The following TRAPPC9 variants were observed in gnomAD, a reference collection of about 807,000 sequenced individuals.
TRAPPC9 encodes the protein trafficking protein particle complex subunit 9.
TRAPPC9 carries 83 observed loss-of-function variants against 124.0 expected under a neutral mutation model. That is an observed-to-expected ratio of 0.67 (90% CI 0.56 to 0.80). The LOEUF (loss-of-function observed/expected upper bound fraction) is 0.80. Ranked by LOEUF, TRAPPC9 falls within the 30% of genes least tolerant of loss-of-function variation. The probability of loss-of-function intolerance (pLI) is 0.00; values close to 1 mark genes in which losing one functional copy is unlikely to be tolerated. For synonymous variants in TRAPPC9, 638 were observed against 617.5 expected, an observed-to-expected ratio of 1.03 and a Z score of -0.49; for missense variants, 1,302 against 1,508.3, an observed-to-expected ratio of 0.86 and a Z score of 2.27.
intron 21 of TRAPPC9, among the ~76,000 whole-genome samples, chr8:139,766,166 G>A (rs1220274258): frequency 6.6e-6 from 1 of 152,252 alleles, no homozygotes; most frequent in Non-Finnish European, 1.5e-5. Context: ...GAAAGAAAGA[G>A]GAGTTCTGAC....
rs780432150 is a variant in TRAPPC9 at position 139,825,352 on chromosome 8, C to T, written c.3055+60527G>A. Among the ~76,000 whole-genome samples the T allele has an allele frequency of 2.6e-5, 4 of 152,126 alleles. No individual in the cohort carries two copies. The highest frequency in any genetic ancestry group is 5.9e-5 in the Non-Finnish European group (4 of 68,018). On this transcript the variant is annotated intron_variant, in intron 21 of 22. Coordinates refer to ENST00000438773, the MANE Select transcript of TRAPPC9 (RefSeq NM_001160372.4). The surrounding 1 kb of genome is among the most constrained non-coding windows in gnomAD (Gnocchi z 4.6). ...GGAGAAGCACAGGTCCTGGTGCAGG[C>T]GGCACTGGCATCCTGTGAGGATGAA...
At chr8:140,077,725 G>A (rs892782816) in intron 17 of TRAPPC9, among the ~76,000 whole-genome samples, 10 of 152,138 alleles carry the variant, frequency 6.6e-5, no homozygotes, top group Non-Finnish European at 1.5e-4. Flanking sequence ...CGGCAGCTGG[G>A]CCAGGCCCCA....
intron 19 of TRAPPC9, chr8:139,916,695 C>T (rs1193804786): frequency 2.0e-5 from 3 of 152,196 alleles, no homozygotes; most frequent in Non-Finnish European, 4.4e-5. Flanking sequence ...AAAAAAGGTG[C>T]TGTGATTTTT....
chr8:140,043,830 G>T (rs570382669), intron 17 of TRAPPC9, among the ~76,000 whole-genome samples: 42 of 152,282 alleles, frequency 2.8e-4, no homozygotes, highest in African/African-American at 8.7e-4. Context: ...TTAGTGAGAT[G>T]GGGAAAGCAT....
chr8:139,972,311 A>G (rs745978816), intron 19 of TRAPPC9, among the ~76,000 whole-genome samples: 15 of 152,020 alleles, frequency 9.9e-5, no homozygotes, highest in Non-Finnish European at 1.9e-4. Flanking sequence ...GTGAGTCCCA[A>G]ACTTACCTGG....
At chr8:140,456,148 G>A (rs528830502) in intron 1 of TRAPPC9, among the ~76,000 whole-genome samples, 7 of 152,218 alleles carry the variant, frequency 4.6e-5, no homozygotes, top group African/African-American at 7.2e-5. Flanking sequence ...GGTGGCTCAC[G>A]CCTGTAATCC....
rs145113608 is a variant in TRAPPC9 at position 140,172,779 on chromosome 8, C to T, written c.2556+48680G>A. 4.7e-3 allele frequency among the ~76,000 whole-genome samples: 709 copies of T among 152,312 alleles called. 9 individuals are homozygous for T. Among genetic ancestry groups the T allele is most frequent in the African/African-American group, 0.016 (654 of 41,554 alleles). Reference sequence around the variant, plus strand: ...AAAAATAATTCTCCTAACCAACCTACAAGAAAAGTACTATCATTCCCAAAT... The same window carrying T: ...AAAAATAATTCTCCTAACCAACCTATAAGAAAAGTACTATCATTCCCAAAT... On this transcript the variant is annotated intron_variant, in intron 17 of 22. Transcript: ENST00000438773.
chr8:139,798,505 C>T (rs1456261772), intron 21 of TRAPPC9, among the ~76,000 whole-genome samples: 1 of 152,224 alleles, frequency 6.6e-6, no homozygotes, highest in East Asian at 1.9e-4. Context: ...TGAGCAATGG[C>T]TGTGACTGCT....
At chr8:139,771,768 G>A (rs905983497) in intron 21 of TRAPPC9, among the ~76,000 whole-genome samples, 4 of 152,250 alleles carry the variant, frequency 2.6e-5, no homozygotes, top group African/African-American at 7.2e-5. Context: ...CCCCAGAGCC[G>A]CCAGGCTGGG....
intron 17 of TRAPPC9, among the ~76,000 whole-genome samples, chr8:140,073,158 C>T (rs971884007): frequency 3.3e-5 from 5 of 152,290 alleles, no homozygotes; most frequent in South Asian, 2.1e-4. Flanking sequence ...GTTAAACCCA[C>T]GCTTAGTATA....
chr8:140,135,862 G>A (rs1441620251), intron 17 of TRAPPC9, among the ~76,000 whole-genome samples: 1 of 152,222 alleles, frequency 6.6e-6, no homozygotes, highest in African/African-American at 2.4e-5. Flanking sequence ...AGAAGCAGTG[G>A]TTGGTTCAGG....
chr8:139,752,005 C>G (rs1410897986), intron 21 of TRAPPC9, among the ~76,000 whole-genome samples: 2 of 151,388 alleles, frequency 1.3e-5, no homozygotes, highest in Non-Finnish European at 2.9e-5. Flanking sequence ...TACCATCCAT[C>G]TATCCATCCA....
chr8:140,248,073 T>C (rs923070300), intron 16 of TRAPPC9, among the ~76,000 whole-genome samples: 6 of 152,366 alleles, frequency 3.9e-5, no homozygotes, highest in African/African-American at 1.4e-4. Flanking sequence ...GATCCTTTTC[T>C]GTTGACCATC....
chr8:139,810,567 T>C (rs540333829), intron 21 of TRAPPC9, among the ~76,000 whole-genome samples: 3 of 152,136 alleles, frequency 2.0e-5, no homozygotes, highest in Admixed American at 6.5e-5. Context: ...AGCACACCAC[T>C]GCGTAAAGCT....
chr8:139,935,778 G>C (rs1314009681), intron 19 of TRAPPC9, among the ~76,000 whole-genome samples: 1 of 150,370 alleles, frequency 6.7e-6, no homozygotes, highest in African/African-American at 2.5e-5. Context: ...TGCTATTATA[G>C]CCTACCATTA....
intron 10 of TRAPPC9, among the ~76,000 whole-genome samples, chr8:140,301,201 C>T (rs998160213): frequency 2.6e-5 from 4 of 152,216 alleles, no homozygotes; most frequent in South Asian, 4.1e-4. Flanking sequence ...CTGCTCTACT[C>T]GCATGCAGCA....
Position 140,094,140 on chromosome 8 carries a change from C to T in TRAPPC9, c.2557-70061G>A, listed in dbSNP as rs559960888. On this transcript the variant is annotated intron_variant, in intron 17 of 22. Coordinates refer to ENST00000438773, the MANE Select transcript of TRAPPC9 (RefSeq NM_001160372.4). Reference sequence around the variant, plus strand: ...CTGTGGACTGACTCTCTCACCAACACCCACCACTCTGAACTTAGAATTGCC... The same window carrying T: ...CTGTGGACTGACTCTCTCACCAACATCCACCACTCTGAACTTAGAATTGCC... Among the ~76,000 whole-genome samples the T allele has an allele frequency of 4.5e-4, 68 of 152,288 alleles. 2 individuals carry two copies. The highest frequency in any genetic ancestry group is 4.4e-3 in the Admixed American group (68 of 15,296).
chr8:140,021,312 C>A (rs915852153), intron 18 of TRAPPC9, among the ~76,000 whole-genome samples: 1 of 152,188 alleles, frequency 6.6e-6, no homozygotes, highest in African/African-American at 2.4e-5. Context: ...TTTAGCTGAT[C>A]ACATCTTAAC....
At chr8:139,972,851 G>A (rs988256025) in intron 19 of TRAPPC9, among the ~76,000 whole-genome samples, 26 of 152,184 alleles carry the variant, frequency 1.7e-4, no homozygotes, top group African/African-American at 6.0e-4. Context: ...TGAGGCAGAC[G>A]GGGAAGAAGG....
Sources: allele counts gnomAD v4.1 joint callset (sites outside exome capture counted in the v4.1 genomes callset), GRCh38; gene constraint gnomAD v4.1.1; non-coding constraint Gnocchi (gnomAD v3.1); transcripts MANE v1.5; gene names NCBI Gene and HGNC (gene_info 2026-07-23, HGNC 2026-07-21).